ZFHX3: variants seen among roughly 807,000 people sequenced by gnomAD.
The protein encoded by ZFHX3 is zinc finger homeobox 3, also known as zinc finger homeobox protein 3.
A neutral mutation model predicts 279.1 loss-of-function variants in ZFHX3; 42 were observed. That is an observed-to-expected ratio of 0.15 (90% CI 0.12 to 0.19). The LOEUF is 0.19. ZFHX3 is among the 10% of genes least tolerant of loss of function. ZFHX3 has a pLI of 1.00. For missense variants in ZFHX3, 4,981 were observed against 4,754.0 expected, an observed-to-expected ratio of 1.05 and a Z score of -1.40; for synonymous variants, 2,293 against 1,957.8, an observed-to-expected ratio of 1.17 and a Z score of -4.52.
chr16:73,134,051 T>G (rs1209089967), intron 6 of ZFHX3, among the ~76,000 whole-genome samples: 1 of 152,150 alleles, frequency 6.6e-6, no homozygotes, highest in Non-Finnish European at 1.5e-5. Context: ...ATATCTAATA[T>G]TCATTCGTTG....
chr16:73,844,839 G>T (rs1267280383), intron 1 of ZFHX3, among the ~76,000 whole-genome samples: 2 of 148,232 alleles, frequency 1.3e-5, no homozygotes, highest in African/African-American at 5.2e-5. Context: ...ACGGATGGAT[G>T]GGATTGATAG....
intron 5 of ZFHX3, among the ~76,000 whole-genome samples, chr16:73,151,737 A>T (rs1966946087): frequency 6.6e-6 from 1 of 152,172 alleles, no homozygotes. Context: ...AATTCCCATG[A>T]AAATATTCCA....
Position 73,516,985 on chromosome 16 carries a change from G to T in ZFHX3, c.-1546-60727C>A, listed in dbSNP as rs564079385. On this transcript the variant is annotated intron_variant, in intron 2 of 17. Coordinates refer to the ZFHX3 transcript ENST00000641206. Reference sequence around the variant, plus strand: ...TACATGAGATCAAGTACAGAAAAACGCATGATCAACACCGTGCACATTTAG... The same window carrying T: ...TACATGAGATCAAGTACAGAAAAACTCATGATCAACACCGTGCACATTTAG... Among the ~76,000 whole-genome samples the T allele has an allele frequency of 2.0e-5, 3 of 152,112 alleles. No individual in the cohort carries two copies. In the South Asian group the frequency reaches 6.2e-4, roughly 32 times the overall value.
chr16:73,602,700 A>G (rs1049371310), intron 2 of ZFHX3, among the ~76,000 whole-genome samples: 1 of 152,058 alleles, frequency 6.6e-6, no homozygotes, highest in African/African-American at 2.4e-5. Context: ...TAATCTCAGC[A>G]CTTTGGGAGG....
At chr16:73,229,597 T>A (rs1242925167) in intron 5 of ZFHX3, among the ~76,000 whole-genome samples, 1 of 152,188 alleles carries the variant, frequency 6.6e-6, no homozygotes, top group Non-Finnish European at 1.5e-5. Context: ...AGAATGAGAT[T>A]TACATGCAGA....
chr16:73,087,191 G>C (rs925608054), intron 8 of ZFHX3, among the ~76,000 whole-genome samples: 2 of 152,114 alleles, frequency 1.3e-5, no homozygotes, highest in African/African-American at 4.8e-5. Flanking sequence ...TACGAACACA[G>C]TACTAGTCCT....
chr16:73,289,968 T>A (rs747427295), intron 4 of ZFHX3, among the ~76,000 whole-genome samples: 6 of 151,822 alleles, frequency 4.0e-5, no homozygotes, highest in Middle Eastern at 6.8e-3. Context: ...AATTCCAATA[T>A]GAAGATTATA....
In ZFHX3 at chr16:73,481,409, C is replaced by T. The variant is rs146044503; in HGVS notation, c.-1546-25151G>A. 4.1e-3 allele frequency among the ~76,000 whole-genome samples: 628 copies of T among 151,534 alleles called. 1 individual carries two copies. Among genetic ancestry groups the T allele is most frequent in the Non-Finnish European group, 5.9e-3 (399 of 67,950 alleles). On this transcript the variant is annotated intron_variant, in intron 2 of 17. Transcript: ENST00000641206. ...ACATTGCTTTCCTGTCCTCTCTTCT[C>T]CCCTTACCAAATTTTAGTATTACTT...
intron 5 of ZFHX3, among the ~76,000 whole-genome samples, chr16:73,157,586 A>T: frequency 6.6e-6 from 1 of 151,552 alleles, no homozygotes; most frequent in East Asian, 1.9e-4. Context: ...TTAGCAGTTC[A>T]TTGTTTCCAA....
chr16:72,940,438 T>C (rs1004715801), intron 3 of ZFHX3, among the ~76,000 whole-genome samples: 2 of 151,938 alleles, frequency 1.3e-5, no homozygotes, highest in African/African-American at 2.4e-5. Context: ...GAAGTCAGGG[T>C]AGCCAATGCA....
intron 4 of ZFHX3, among the ~76,000 whole-genome samples, chr16:73,261,166 C>G (rs1260486319): frequency 6.6e-6 from 1 of 152,026 alleles, no homozygotes; most frequent in African/African-American, 2.4e-5. Flanking sequence ...TTATTTGAAT[C>G]CATACAGTGG....
At chr16:73,852,118 G>A (rs1961607240) in intron 1 of ZFHX3, among the ~76,000 whole-genome samples, 1 of 152,176 alleles carries the variant, frequency 6.6e-6, no homozygotes, top group South Asian at 2.1e-4. Flanking sequence ...ATGATTTAAT[G>A]CTCAGGGTGA....
intron 4 of ZFHX3, among the ~76,000 whole-genome samples, chr16:73,315,936 A>G (rs2015437064): frequency 6.6e-6 from 1 of 152,190 alleles, no homozygotes; most frequent in African/African-American, 2.4e-5. Context: ...CCTGAAAGTC[A>G]AGGATACACA....
chr16:73,367,867 CTTTT>C (rs10718886), intron 3 of ZFHX3, among the ~76,000 whole-genome samples: 15 of 115,396 alleles, frequency 1.3e-4, no homozygotes, highest in Middle Eastern at 4.5e-3. Flanking sequence ...TAAGGAAGGT[CTTTT>C]TTTTTTTTTT....
chr16:72,919,306 G>A (rs1567583765), intron 3 of ZFHX3, among the ~76,000 whole-genome samples: 1 of 151,956 alleles, frequency 6.6e-6, no homozygotes, highest in South Asian at 2.1e-4. Context: ...CTACAGGCGT[G>A]CACCACCACA....
chr16:73,627,007 T>C (rs1487745983), intron 2 of ZFHX3, among the ~76,000 whole-genome samples: 3 of 152,110 alleles, frequency 2.0e-5, no homozygotes, highest in Admixed American at 6.5e-5. Context: ...AACACACCCA[T>C]CATTATATTG....
At chr16:72,799,851 T>C (rs1567520894) in intron 8 of ZFHX3, among the ~76,000 whole-genome samples, 176 bp downstream of exon 8, 1 of 152,232 alleles carries the variant, frequency 6.6e-6, no homozygotes, top group Non-Finnish European at 1.5e-5. Flanking sequence ...GTGAGTAATA[T>C]ACAAATACAT....
At chr16:73,406,068 G>T (rs1650849384) in intron 3 of ZFHX3, among the ~76,000 whole-genome samples, 1 of 152,256 alleles carries the variant, frequency 6.6e-6, no homozygotes. Context: ...GTCTCTAGGA[G>T]GAGGGAGCAG....
rs140583964 is a variant in ZFHX3, at chr16:73,730,920, G to A, written c.-1607-50680C>T. ...AGGTGTCGCTGTGGTCCTGTCCAGG[G>A]CTTAGCGGAACATTCCATGTCTTCG... On this transcript the variant is annotated intron_variant, in intron 1 of 17. Coordinates refer to the ZFHX3 transcript ENST00000641206. Among the ~76,000 whole-genome samples, 416 of 152,268 alleles carry A rather than the reference G, an allele frequency of 2.7e-3. 1 individual carries two copies. The highest frequency in any genetic ancestry group is 3.8e-3 in the Non-Finnish European group (261 of 68,030).
Sources: gnomAD v4.1 joint callset for allele counts (sites outside exome capture counted in the v4.1 genomes callset) on GRCh38, gnomAD v4.1.1 for gene constraint, MANE v1.5 for transcripts, NCBI Gene and HGNC (gene_info 2026-07-23, HGNC 2026-07-21) for gene names.